Variants in JMJD1C observed in about 807,000 individuals in gnomAD.
JMJD1C encodes jumonji domain containing 1C, also known as jumonji domain-containing protein 1C.
JMJD1C carries 31 observed loss-of-function variants against 245.3 expected under a neutral mutation model. The observed-to-expected ratio is 0.13, with a 90% CI of 0.09 to 0.17. The LOEUF (loss-of-function observed/expected upper bound fraction) is 0.17. Ranked by LOEUF, JMJD1C falls within the 10% of genes least tolerant of loss-of-function variation. The probability of loss-of-function intolerance (pLI) is 1.00; values close to 1 mark genes in which losing one functional copy is unlikely to be tolerated. For synonymous variants in JMJD1C, 1,057 were observed against 1,017.4 expected (o/e 1.04, Z -0.74); for missense variants, 2,691 against 3,000.2 (o/e 0.90, Z 2.41).
At position 63,193,108 on chromosome 10, in the gene JMJD1C, C is replaced by T; in HGVS notation, c.5906G>A (p.Cys1969Tyr). 1 of 1,613,936 alleles carries T rather than the reference C, an allele frequency of 6.2e-7. No individual in the cohort carries two copies. The highest frequency in any genetic ancestry group is 8.5e-7 in the Non-Finnish European group (1 of 1,179,980). The change falls in exon 16 of 26, where the codon TGC becomes TAC. Residue 1969 changes from cysteine (C) to tyrosine (Y), a missense_variant. Around this residue, in one of 9 missense-constraint regions of JMJD1C, gnomAD observed 275 missense variants for 285.5 expected, o/e 0.96. Coordinates refer to ENST00000399262, the MANE Select transcript of JMJD1C (RefSeq NM_032776.3). ...VLNHSNKISL[C>Y]MPESQQQNTP... ...ATTTTGCTGCTGAGACTCAGGCATGCACAGAGAAATTTTATTACTGTGATT... is the reference window on the plus strand; with the variant it reads ...ATTTTGCTGCTGAGACTCAGGCATGTACAGAGAAATTTTATTACTGTGATT...
exon 1 of JMJD1C, chr10:63,521,804 G>T (rs1955257547): frequency 3.4e-6 from 1 of 292,946 alleles, no homozygotes; most frequent in South Asian, 1.4e-4. Flanking sequence ...CTGCGGCTGC[G>T]ACGGCGGCGG....
intron 2 of JMJD1C, among the ~76,000 whole-genome samples, chr10:63,372,467 A>G (rs1946389548): frequency 6.6e-6 from 1 of 152,202 alleles, no homozygotes; most frequent in South Asian, 2.1e-4. Flanking sequence ...AATTGGCATT[A>G]TAAGCTTTTT....
At chr10:63,371,081 A>C (rs1250728047) in intron 2 of JMJD1C, among the ~76,000 whole-genome samples, 2 of 152,032 alleles carry the variant, frequency 1.3e-5, no homozygotes, top group Non-Finnish European at 2.9e-5. Context: ...GGAGTCAAGC[A>C]ATCCTCCCAC....
chr10:63,441,229 C>T (rs1951366970), intron 1 of JMJD1C, among the ~76,000 whole-genome samples: 1 of 152,172 alleles, frequency 6.6e-6, no homozygotes, highest in African/African-American at 2.4e-5. Context: ...TTGACAGTCA[C>T]TTAATTCTGT....
At chr10:63,321,683 A>G (rs1262957229) in intron 2 of JMJD1C, among the ~76,000 whole-genome samples, 1 of 152,160 alleles carries the variant, frequency 6.6e-6, no homozygotes, top group Non-Finnish European at 1.5e-5. Flanking sequence ...ATCCACTCAG[A>G]AGGAAAGGGC....
At position 63,310,190 on chromosome 10, in the gene JMJD1C, T is replaced by C. The variant is rs116306205; in HGVS notation, c.334-45426A>G. 6.8e-3 allele frequency among the ~76,000 whole-genome samples: 1,041 copies of C among 152,344 alleles called. 22 individuals are homozygous for C. The highest frequency in any genetic ancestry group is 0.024 in the African/African-American group (984 of 41,580). ...AAATGAGACATAAATACTATATTCA[T>C]GGACGAAATGATTACAGTAAACAGA... On this transcript the variant is annotated intron_variant, in intron 2 of 25. Transcript: ENST00000399262.
chr10:63,425,301 G>C (rs1018744702), intron 1 of JMJD1C, among the ~76,000 whole-genome samples: 1 of 152,044 alleles, frequency 6.6e-6, no homozygotes, highest in African/African-American at 2.4e-5. Flanking sequence ...GGCATGCAGG[G>C]GAGGCCAGAA....
chr10:63,300,309 G>C (rs1859926905), intron 2 of JMJD1C, among the ~76,000 whole-genome samples: 1 of 152,118 alleles, frequency 6.6e-6, no homozygotes, highest in Non-Finnish European at 1.5e-5. Flanking sequence ...GTTATCAAAA[G>C]CACAATAAGA....
intron 8 of JMJD1C, 45 bp from the exon 9 acceptor site, chr10:63,209,280 T>G (rs766254811): frequency 6.6e-7 from 1 of 1,520,562 alleles, no homozygotes; most frequent in South Asian, 1.3e-5. Flanking sequence ...TTTCAGTTAC[T>G]AGAAAAAGCT....
At chr10:63,414,908 A>G (rs75361443) in intron 1 of JMJD1C, among the ~76,000 whole-genome samples, 3 of 135,714 alleles carry the variant, frequency 2.2e-5, no homozygotes, top group Admixed American at 7.3e-5. Flanking sequence ...CTCTATCTCA[A>G]AAAAAAAAAA....
At chr10:63,236,064 T>C (rs186925559) in intron 3 of JMJD1C, among the ~76,000 whole-genome samples, 5 of 152,332 alleles carry the variant, frequency 3.3e-5, no homozygotes, top group African/African-American at 1.2e-4. Context: ...GAATTGGATA[T>C]ACTATCTTAA....
chr10:63,465,396 G>C, intron 1 of JMJD1C, 99 bp downstream of exon 1: 1 of 1,256,370 alleles, frequency 8.0e-7, no homozygotes, highest in Non-Finnish European at 1.1e-6. Flanking sequence ...CCGCCAGTTG[G>C]CCGGGCTGAG....
At chr10:63,459,473 G>A (rs934224001) in intron 1 of JMJD1C, among the ~76,000 whole-genome samples, 4 of 152,090 alleles carry the variant, frequency 2.6e-5, no homozygotes, top group African/African-American at 9.7e-5. Context: ...AGGAGTTATG[G>A]CACACTTCCT....
intron 1 of JMJD1C, 60 bp downstream of exon 1, chr10:63,465,435 A>C (rs976262468): frequency 1.4e-6 from 2 of 1,475,602 alleles, no homozygotes. Context: ...CCTGCAAGGT[A>C]CGTCTGCGAG....
In JMJD1C at chr10:63,465,543, C is replaced by G; in HGVS notation, c.120G>C (p.Gly40=). Residue 40 remains glycine (G), a synonymous_variant, in exon 1 of 26, where the codon GGG becomes GGC. Coordinates refer to ENST00000399262, the MANE Select transcript of JMJD1C (RefSeq NM_032776.3). ...SGRGWRSWRA[G]VIRAVSHRDS... is the part of the protein sequence containing the mutation. ...CCCTGTGTGACACGGCTCGGATGAC[C>G]CCCGCTCGCCAGCTTCGCCAGCCGC... 1 of 1,602,628 alleles carries G rather than the reference C, an allele frequency of 6.2e-7. No individual in the cohort carries two copies. Among genetic ancestry groups the G allele is most frequent in the Non-Finnish European group, 8.5e-7 (1 of 1,178,104 alleles).
intron 2 of JMJD1C, among the ~76,000 whole-genome samples, chr10:63,299,848 T>G (rs756880734): frequency 1.1e-4 from 16 of 151,974 alleles, no homozygotes; most frequent in Non-Finnish European, 1.9e-4. Context: ...CAAGAAATAG[T>G]TAAAGCCTTT....
At chr10:63,244,595 T>A (rs140860314) in intron 3 of JMJD1C, among the ~76,000 whole-genome samples, 36 of 152,260 alleles carry the variant, frequency 2.4e-4, no homozygotes, top group African/African-American at 8.4e-4. Context: ...AAGGTGGCAC[T>A]GTGTGAACTC....
chr10:63,401,823 T>C (rs1169087674), intron 1 of JMJD1C, among the ~76,000 whole-genome samples: 1 of 151,950 alleles, frequency 6.6e-6, no homozygotes, highest in Non-Finnish European at 1.5e-5. Flanking sequence ...CCTTCATGTA[T>C]AGAATTAATA....
At chr10:63,427,553 T>C in intron 1 of JMJD1C, 4 of 1,403,288 alleles carry the variant, frequency 2.9e-6, no homozygotes, top group Non-Finnish European at 4.0e-6. Context: ...GACTCTATTG[T>C]GGACCCACAG....
Sources: allele counts gnomAD v4.1 joint callset (sites outside exome capture counted in the v4.1 genomes callset), GRCh38; gene constraint gnomAD v4.1.1; regional missense constraint gnomAD v4.1.1; transcripts MANE v1.5; gene names NCBI Gene and HGNC (gene_info 2026-07-23, HGNC 2026-07-21).